Variants in RBMS1 observed in about 807,000 individuals in gnomAD.
The protein encoded by RBMS1 is RNA binding motif single stranded interacting protein 1, also known as RNA-binding motif, single-stranded-interacting protein 1.
RBMS1 carries 17 observed loss-of-function variants against 62.3 expected under a neutral mutation model. The ratio of observed to expected loss-of-function variants is 0.27; its 90% CI spans 0.19 to 0.41. RBMS1 has a LOEUF of 0.41. Ranked by LOEUF, RBMS1 falls within the 10% of genes least tolerant of loss-of-function variation. The pLI, the probability that RBMS1 is intolerant of heterozygous loss-of-function variation, is 1.00. For missense variants in RBMS1, 334 were observed against 504.5 expected (o/e 0.66, Z 3.24); for synonymous variants, 172 against 170.0 (o/e 1.01, Z -0.09).
At chr2:160,387,914 G>A (rs1277057453) in intron 1 of RBMS1, among the ~76,000 whole-genome samples, 1 of 152,082 alleles carries the variant, frequency 6.6e-6, no homozygotes, top group Non-Finnish European at 1.5e-5. Flanking sequence ...GCCTGGCCCT[G>A]GCATCTTAGC....
chr2:160,357,188 T>C (rs566722838), intron 2 of RBMS1, among the ~76,000 whole-genome samples: 1 of 152,238 alleles, frequency 6.6e-6, no homozygotes, highest in South Asian at 2.1e-4. Context: ...GTAAATACTA[T>C]CTTCAATCAC....
intron 4 of RBMS1, among the ~76,000 whole-genome samples, chr2:160,304,542 C>G (rs567259255): frequency 6.6e-6 from 1 of 152,102 alleles, no homozygotes; most frequent in Non-Finnish European, 1.5e-5. Flanking sequence ...ATGGCATATA[C>G]GATGGTGGTC....
chr2:160,321,120 G>GA (rs1408412152), intron 2 of RBMS1, among the ~76,000 whole-genome samples: 1 of 152,082 alleles, frequency 6.6e-6, no homozygotes, highest in African/African-American at 2.4e-5. Flanking sequence ...TTAATGATGG[G>GA]AAAGACAGGA....
At chr2:160,434,637 G>C (rs1040446202) in intron 1 of RBMS1, among the ~76,000 whole-genome samples, 1 of 152,166 alleles carries the variant, frequency 6.6e-6, no homozygotes, top group African/African-American at 2.4e-5. Context: ...TTGAAATATG[G>C]CTAGCATAAC....
In RBMS1 at chr2:160,355,488, TA is replaced by T. The variant is rs1273050009; in HGVS notation, c.251+11727del. On this transcript the variant is annotated intron_variant, in intron 2 of 13. Coordinates refer to ENST00000348849, the MANE Select transcript of RBMS1 (RefSeq NM_016836.4). ...TAATGATATCAAATTCCCAGTTTCT[TA>T]AGACTCCAAATCTTATACTCATCTT... is the stretch of plus-strand genomic sequence containing the variant. 5.3e-5 allele frequency among the ~76,000 whole-genome samples: 8 copies of T among 152,212 alleles called. No homozygotes were observed. The East Asian group carries it at 1.4e-3, about 26-fold the overall frequency.
intron 2 of RBMS1, among the ~76,000 whole-genome samples, chr2:160,345,157 C>A (rs1210779311): frequency 6.6e-6 from 1 of 151,972 alleles, no homozygotes; most frequent in African/African-American, 2.4e-5. Flanking sequence ...GTGAAACCCA[C>A]AATGCTAAGT....
intron 1 of RBMS1, among the ~76,000 whole-genome samples, chr2:160,382,285 C>A (rs1047403732): frequency 6.6e-6 from 1 of 152,178 alleles, no homozygotes; most frequent in African/African-American, 2.4e-5. Context: ...TTAATCATAT[C>A]ATTTTCCTCA....
intron 1 of RBMS1, among the ~76,000 whole-genome samples, chr2:160,455,430 G>A (rs1684177975): frequency 1.3e-5 from 2 of 152,174 alleles, no homozygotes; most frequent in Non-Finnish European, 2.9e-5. Flanking sequence ...CAACTAGAAA[G>A]GGTGAGAAGA....
At chr2:160,320,556 C>T (rs1204817408) in intron 2 of RBMS1, among the ~76,000 whole-genome samples, 1 of 152,134 alleles carries the variant, frequency 6.6e-6, no homozygotes, top group Non-Finnish European at 1.5e-5. Flanking sequence ...TCATGAATAG[C>T]TTGGTGCCAT....
At chr2:160,296,412 A>G (rs1469479971) in intron 6 of RBMS1, among the ~76,000 whole-genome samples, 1 of 152,226 alleles carries the variant, frequency 6.6e-6, no homozygotes, top group Non-Finnish European at 1.5e-5. Flanking sequence ...GTGGAACTGC[A>G]CATACAAATT....
Position 160,403,763 on chromosome 2 carries a change from C to T in RBMS1, c.76-36372G>A, listed in dbSNP as rs553772237. 9.9e-5 allele frequency among the ~76,000 whole-genome samples: 15 copies of T among 152,198 alleles called. No homozygotes were observed. In the East Asian group the frequency reaches 2.3e-3, roughly 23 times the overall value. On this transcript the variant is annotated intron_variant, in intron 1 of 13. Coordinates refer to ENST00000348849, the MANE Select transcript of RBMS1 (RefSeq NM_016836.4). ...ACCACTAGGACAACATACTGCTTAG[C>T]AAAAAAGGCCTTCCTACATGCCACG... is the stretch of plus-strand genomic sequence containing the variant.
intron 1 of RBMS1, among the ~76,000 whole-genome samples, chr2:160,488,400 A>C (rs1026101293): frequency 1.3e-4 from 20 of 152,070 alleles, no homozygotes; most frequent in African/African-American, 4.6e-4. Flanking sequence ...ACGTAGTGAA[A>C]CCCCGTCTCT....
At chr2:160,297,084 C>A (rs1262873726) in intron 6 of RBMS1, among the ~76,000 whole-genome samples, 1 of 152,212 alleles carries the variant, frequency 6.6e-6, no homozygotes, top group African/African-American at 2.4e-5. Flanking sequence ...GAAAGTAGGA[C>A]TTTTAGCTGA....
chr2:160,408,306 G>GC (rs1018094359), intron 1 of RBMS1, among the ~76,000 whole-genome samples: 26 of 151,522 alleles, frequency 1.7e-4, no homozygotes, highest in African/African-American at 5.8e-4. Flanking sequence ...TTCGAACTAG[G>GC]CCCCCCGCGC....
chr2:160,317,581 A>C (rs1183048337), intron 3 of RBMS1, among the ~76,000 whole-genome samples: 2 of 152,174 alleles, frequency 1.3e-5, no homozygotes, highest in Non-Finnish European at 2.9e-5. Flanking sequence ...CAGTGCATCA[A>C]ATTAATGCAG....
At chr2:160,419,680 C>G (rs937297267) in intron 1 of RBMS1, among the ~76,000 whole-genome samples, 5 of 152,150 alleles carry the variant, frequency 3.3e-5, no homozygotes, top group Admixed American at 1.3e-4. Flanking sequence ...TCCCAGACAA[C>G]AAAAGTAAAC....
chr2:160,276,719 A>T (rs1381555224), intron 12 of RBMS1: 1 of 152,226 alleles, frequency 6.6e-6, no homozygotes, highest in Non-Finnish European at 1.5e-5. Flanking sequence ...TCCACTAAGT[A>T]TCTTAACTAC....
intron 1 of RBMS1, among the ~76,000 whole-genome samples, chr2:160,384,245 GA>G (rs570591392): frequency 9.2e-5 from 14 of 151,884 alleles, no homozygotes; most frequent in Admixed American, 3.3e-4. Context: ...TTTTTTAAAT[GA>G]AAAAAAATTG....
chr2:160,459,893 G>A (rs1574086710), intron 1 of RBMS1, among the ~76,000 whole-genome samples: 1 of 152,290 alleles, frequency 6.6e-6, no homozygotes, highest in Non-Finnish European at 1.5e-5. Flanking sequence ...AGGAACACAG[G>A]AACTTCCTCT....
Sources: gnomAD v4.1 joint callset for allele counts (sites outside exome capture counted in the v4.1 genomes callset) on GRCh38, gnomAD v4.1.1 for gene constraint, MANE v1.5 for transcripts, NCBI Gene and HGNC (gene_info 2026-07-23, HGNC 2026-07-21) for gene names.